The following WDFY2 variants were observed in gnomAD, a reference collection of about 807,000 sequenced individuals.
WDFY2 encodes the protein WD repeat and FYVE domain-containing protein 2.
Under a neutral mutation model 56.4 loss-of-function variants are expected in WDFY2, and 36 were observed. The ratio of observed to expected loss-of-function variants is 0.64; its 90% CI spans 0.49 to 0.84. The LOEUF is 0.84. Ranked by LOEUF, WDFY2 falls within the 40% of genes least tolerant of loss-of-function variation. The pLI is 0.00. For synonymous variants in WDFY2, 176 were observed against 183.7 expected, an observed-to-expected ratio of 0.96 and a Z score of 0.34; for missense variants, 444 against 512.2, an observed-to-expected ratio of 0.87 and a Z score of 1.29.
At chr13:51,738,211 G>T (rs935696544) in intron 6 of WDFY2, among the ~76,000 whole-genome samples, 2 of 152,134 alleles carry the variant, frequency 1.3e-5, no homozygotes, top group Non-Finnish European at 2.9e-5. Context: ...TTAAGTGTTT[G>T]CAGGCTTTGT....
rs1056457573 is a variant in WDFY2 at position 51,604,330 on chromosome 13, G to T, written c.137+19506G>T. ...CTTCAGATTAGCCTCTGAATGAGTT[G>T]AGAGAAACATCTATGATTCTGCTTC... On this transcript the variant is annotated intron_variant, in intron 1 of 11. Transcript: ENST00000298125. Among the ~76,000 whole-genome samples the T allele has an allele frequency of 2.6e-5, 4 of 152,154 alleles. No homozygotes were observed. The East Asian group carries it at 5.8e-4, about 22-fold the overall frequency.
At chr13:51,676,050 G>A (rs914138527) in intron 3 of WDFY2, among the ~76,000 whole-genome samples, 2 of 152,166 alleles carry the variant, frequency 1.3e-5, no homozygotes, top group Non-Finnish European at 2.9e-5. Flanking sequence ...CCCACAGGGT[G>A]GAGGATCTGA....
chr13:51,693,847 C>A (rs974118891), intron 3 of WDFY2, among the ~76,000 whole-genome samples: 1 of 152,082 alleles, frequency 6.6e-6, no homozygotes, highest in Admixed American at 6.5e-5. Context: ...TCAGGACTTG[C>A]TTTATGAATC....
intron 1 of WDFY2, among the ~76,000 whole-genome samples, chr13:51,622,772 A>G (rs764014923): frequency 4.6e-5 from 7 of 151,980 alleles, no homozygotes; most frequent in Non-Finnish European, 1.0e-4. Context: ...GTTACAGTAG[A>G]GTAGGGGAAA....
intron 1 of WDFY2, among the ~76,000 whole-genome samples, chr13:51,609,103 T>C (rs1443383424): frequency 6.6e-6 from 1 of 152,192 alleles, no homozygotes; most frequent in Non-Finnish European, 1.5e-5. Context: ...GCCTATATGT[T>C]ATTTTTAACT....
At chr13:51,718,496 A>G (rs1952410438) in intron 4 of WDFY2, among the ~76,000 whole-genome samples, 1 of 151,748 alleles carries the variant, frequency 6.6e-6, no homozygotes, top group Non-Finnish European at 1.5e-5. Context: ...GTGATGTGAT[A>G]ACTGTGATCA....
chr13:51,692,476 G>A (rs1208764550), intron 3 of WDFY2, among the ~76,000 whole-genome samples: 1 of 152,172 alleles, frequency 6.6e-6, no homozygotes, highest in Non-Finnish European at 1.5e-5. Flanking sequence ...CTTTGGTTCT[G>A]TTTATATGCT....
Position 51,703,600 on chromosome 13 carries a change from TTA to T in WDFY2, c.288_289del (p.Leu97ValfsTer5). The T allele has an allele frequency of 6.2e-7, 1 of 1,604,230 alleles. No individual in the cohort carries two copies. Among genetic ancestry groups the T allele is most frequent in the Non-Finnish European group, 8.5e-7 (1 of 1,174,762 alleles). On this transcript the variant is annotated frameshift_variant, in exon 4 of 12. Coordinates refer to ENST00000298125, the MANE Select transcript of WDFY2 (RefSeq NM_052950.4). LOFTEE classifies it high-confidence loss of function. ...TAGTTTTCTTTTCTTTTACAGGAGT[TTA>T]TATTGTCAGAAGATTATAACAAGAT...
At chr13:51,682,942 G>A (rs561581675) in intron 3 of WDFY2, among the ~76,000 whole-genome samples, 1 of 152,268 alleles carries the variant, frequency 6.6e-6, no homozygotes, top group South Asian at 2.1e-4. Context: ...AGTCTTTGCT[G>A]TTGCATCACA....
At chr13:51,631,655 A>C (rs1195430481) in intron 1 of WDFY2, among the ~76,000 whole-genome samples, 5 of 152,074 alleles carry the variant, frequency 3.3e-5, no homozygotes, top group Non-Finnish European at 2.9e-5. Flanking sequence ...CATGCTTTCA[A>C]CTTACAATGT....
chr13:51,711,961 A>G (rs771760755), intron 4 of WDFY2, among the ~76,000 whole-genome samples: 2 of 152,232 alleles, frequency 1.3e-5, no homozygotes, highest in Non-Finnish European at 2.9e-5. Context: ...AAGGTTTATA[A>G]ATCATCCTGC....
intron 3 of WDFY2, among the ~76,000 whole-genome samples, chr13:51,693,730 G>C (rs1271511117): frequency 3.3e-5 from 5 of 151,484 alleles, no homozygotes; most frequent in Non-Finnish European, 7.4e-5. Context: ...TCAATTCCTG[G>C]GTATCCTTGT....
rs138324253 is a variant in WDFY2, at chr13:51,585,553, A to G, written c.137+729A>G. Among the ~76,000 whole-genome samples, 40 of 152,366 alleles carry G rather than the reference A, an allele frequency of 2.6e-4. No individual in the cohort carries two copies. The East Asian group carries it at 7.3e-3, about 28-fold the overall frequency. On this transcript the variant is annotated intron_variant, in intron 1 of 11. Coordinates refer to ENST00000298125, the MANE Select transcript of WDFY2 (RefSeq NM_052950.4). Reference sequence around the variant, plus strand: ...AGTGGAACTAGTTGTTCTGCCTTCAAATACTCTCTCTGTTTTGCGTTTTCG... The same window carrying G: ...AGTGGAACTAGTTGTTCTGCCTTCAGATACTCTCTCTGTTTTGCGTTTTCG...
At chr13:51,715,573 AC>A (rs1350048261) in intron 4 of WDFY2, among the ~76,000 whole-genome samples, 1 of 152,112 alleles carries the variant, frequency 6.6e-6, no homozygotes, top group Non-Finnish European at 1.5e-5. Context: ...TTCCTGCAGG[AC>A]CTGCATGAGG....
chr13:51,642,653 G>A (rs1315116659), intron 1 of WDFY2, among the ~76,000 whole-genome samples: 3 of 147,762 alleles, frequency 2.0e-5, no homozygotes, highest in East Asian at 2.0e-4. Flanking sequence ...AACCTGCTTC[G>A]TGACCAGCCT....
chr13:51,587,035 A>G (rs1593841572), intron 1 of WDFY2: 1 of 152,234 alleles, frequency 6.6e-6, no homozygotes, highest in Non-Finnish European at 1.5e-5. Context: ...ATTGATTTTC[A>G]TCACAACCTA....
At chr13:51,716,742 T>A (rs1593444914) in intron 4 of WDFY2, among the ~76,000 whole-genome samples, 26 of 89,548 alleles carry the variant, frequency 2.9e-4, no homozygotes, top group Admixed American at 4.5e-4. Flanking sequence ...CCAAAGGCAC[T>A]ACAAGAAAGA....
chr13:51,621,487 A>G (rs1954725208), intron 1 of WDFY2, among the ~76,000 whole-genome samples: 1 of 152,196 alleles, frequency 6.6e-6, no homozygotes, highest in Admixed American at 6.5e-5. Context: ...CTTGGGCGAC[A>G]AGAGTGAAAC....
intron 1 of WDFY2, among the ~76,000 whole-genome samples, chr13:51,608,829 A>G (rs1284046430): frequency 6.6e-6 from 1 of 152,214 alleles, no homozygotes; most frequent in Non-Finnish European, 1.5e-5. Context: ...AAATTGATCT[A>G]CCTCATTCAG....
Sources: gnomAD v4.1 joint callset for allele counts (sites outside exome capture counted in the v4.1 genomes callset) on GRCh38, gnomAD v4.1.1 for gene constraint, MANE v1.5 for transcripts, NCBI Gene and HGNC (gene_info 2026-07-23, HGNC 2026-07-21) for gene names.